NRG1: variants seen among roughly 807,000 people sequenced by gnomAD.
NRG1 encodes the protein neuregulin 1.
In NRG1, 18 loss-of-function variants were observed where a neutral mutation model predicts 63.8. The ratio of observed to expected loss-of-function variants is 0.28; its 90% CI spans 0.19 to 0.42. The LOEUF is 0.42. NRG1 is among the 10% of genes least tolerant of loss of function. NRG1 has a pLI of 1.00. For missense variants in NRG1, 762 were observed against 814.7 expected, an observed-to-expected ratio of 0.94 and a Z score of 0.79; for synonymous variants, 302 against 301.3, an observed-to-expected ratio of 1.00 and a Z score of -0.02.
intron 5 of NRG1, among the ~76,000 whole-genome samples, chr8:32,670,000 A>T (rs1805214145): frequency 6.6e-6 from 1 of 152,234 alleles, no homozygotes; most frequent in Admixed American, 6.5e-5. Flanking sequence ...TCAATTTCGT[A>T]TCTTGCCATT....
intron 5 of NRG1, among the ~76,000 whole-genome samples, chr8:32,685,733 G>A (rs924615966): frequency 1.3e-5 from 2 of 152,176 alleles, no homozygotes; most frequent in Non-Finnish European, 2.9e-5. Context: ...AGAGGAAAAT[G>A]TGGTCAATAC....
chr8:32,066,549 C>G (rs1284117248), intron 1 of NRG1, among the ~76,000 whole-genome samples: 9 of 152,024 alleles, frequency 5.9e-5, no homozygotes, highest in Middle Eastern at 6.8e-3. Flanking sequence ...TGGTCTATAT[C>G]TCTGTTTTGG....
intron 1 of NRG1, among the ~76,000 whole-genome samples, chr8:31,744,302 G>A (rs1304895434): frequency 2.6e-5 from 4 of 152,016 alleles, no homozygotes; most frequent in Admixed American, 1.3e-4. Context: ...ATGATTGAAC[G>A]TCTTTGCTTC....
intron 1 of NRG1, among the ~76,000 whole-genome samples, chr8:32,421,564 A>G (rs1415654988): frequency 6.6e-6 from 1 of 152,208 alleles, no homozygotes; most frequent in African/African-American, 2.4e-5. Flanking sequence ...ACGATTTTAT[A>G]CAAGTGAAGC....
chr8:31,776,252 T>C (rs986916617), intron 1 of NRG1, among the ~76,000 whole-genome samples: 2 of 151,996 alleles, frequency 1.3e-5, no homozygotes, highest in African/African-American at 4.8e-5. Context: ...AAATGAAAAA[T>C]AGTTAAATTG....
upstream of NRG1, among the ~76,000 whole-genome samples, chr8:32,547,642 C>A (rs77787458): frequency 4.0e-4 from 61 of 151,536 alleles, 1 homozygote; most frequent in East Asian, 0.012. Context: ...CGGCGCAGAC[C>A]CAGCAGGAGA....
At chr8:31,898,401 C>T (rs1255922328) in intron 1 of NRG1, among the ~76,000 whole-genome samples, 2 of 152,130 alleles carry the variant, frequency 1.3e-5, no homozygotes, top group African/African-American at 2.4e-5. Context: ...AACTATAGTA[C>T]ATCTGTTTTA....
intron 1 of NRG1, among the ~76,000 whole-genome samples, chr8:31,898,837 G>T (rs1236015444): frequency 6.6e-6 from 1 of 152,120 alleles, no homozygotes. Flanking sequence ...TACTAGCAGT[G>T]GTTCCTGCTC....
intron 1 of NRG1, among the ~76,000 whole-genome samples, chr8:32,243,448 A>G (rs958922217): frequency 6.6e-6 from 1 of 151,042 alleles, no homozygotes; most frequent in African/African-American, 2.5e-5. Flanking sequence ...AAAAAAAAAA[A>G]AGGGCATTAG....
In NRG1 at chr8:32,302,746, C is replaced by G. The variant is rs139165461; in HGVS notation, c.38-293082C>G. ...GTTTTATTTTTATTGTGTGATGTAA[C>G]CATATGCCAATTTTTTTCTTTGACT... On this transcript the variant is annotated intron_variant, in intron 1 of 10. Coordinates refer to the NRG1 transcript ENST00000519301. 7.7e-4 allele frequency among the ~76,000 whole-genome samples: 107 copies of G among 139,326 alleles called. 1 individual carries two copies. The East Asian group carries it at 0.02, about 26-fold the overall frequency. The allele number at this position is 139,326 out of a possible 152,430, so 91.4% of individuals were successfully genotyped here.
At chr8:32,141,585 T>C (rs1458918059) in intron 1 of NRG1, among the ~76,000 whole-genome samples, 1 of 105,952 alleles carries the variant, frequency 9.4e-6, no homozygotes, top group African/African-American at 3.6e-5. Context: ...ATATCCTATG[T>C]GTGTGGGTAT....
At chr8:32,760,743 G>A in intron 11 of NRG1, 1 of 1,065,452 alleles carries the variant, frequency 9.4e-7, no homozygotes, top group Non-Finnish European at 1.1e-6. Context: ...TTAGAGAGAT[G>A]GCATCAATGC....
chr8:32,380,648 T>G (rs952552766), intron 1 of NRG1, among the ~76,000 whole-genome samples: 1 of 152,178 alleles, frequency 6.6e-6, no homozygotes, highest in African/African-American at 2.4e-5. Context: ...CTTAAGAACC[T>G]TAAGACAGAA....
intron 1 of NRG1, among the ~76,000 whole-genome samples, chr8:32,446,660 C>CAAA (rs34552394): frequency 7.0e-4 from 105 of 149,800 alleles, no homozygotes; most frequent in African/African-American, 5.6e-4. Flanking sequence ...GTCTCAAAAA[C>CAAA]AAAAAAAAAA....
At chr8:31,931,819 G>C (rs1223755687) in intron 1 of NRG1, among the ~76,000 whole-genome samples, 2 of 152,158 alleles carry the variant, frequency 1.3e-5, no homozygotes, top group African/African-American at 4.8e-5. Context: ...TCTGCCATTT[G>C]CTCAGTTGAT....
chr8:32,045,381 A>G (rs374922930), intron 1 of NRG1, among the ~76,000 whole-genome samples: 11 of 152,018 alleles, frequency 7.2e-5, no homozygotes, highest in African/African-American at 2.6e-4. Flanking sequence ...AAAACACTAA[A>G]CTTGTTAAGC....
At chr8:32,190,388 G>A (rs996332479) in intron 1 of NRG1, among the ~76,000 whole-genome samples, 4 of 151,980 alleles carry the variant, frequency 2.6e-5, no homozygotes, top group Admixed American at 2.0e-4. Flanking sequence ...ACTCTGTTCT[G>A]TACTCAAATC....
intron 1 of NRG1, among the ~76,000 whole-genome samples, chr8:32,225,878 G>T (rs952735620): frequency 3.3e-5 from 5 of 152,112 alleles, no homozygotes; most frequent in African/African-American, 1.2e-4. Flanking sequence ...TGCATAATTA[G>T]TCAGTTTCCT....
At chr8:31,797,111 CAT>C (rs898467461) in intron 1 of NRG1, among the ~76,000 whole-genome samples, 1 of 152,172 alleles carries the variant, frequency 6.6e-6, no homozygotes, top group Non-Finnish European at 1.5e-5. Flanking sequence ...TCCTTATTGA[CAT>C]GTGGGCTTTG....
Sources: allele counts gnomAD v4.1 joint callset (sites outside exome capture counted in the v4.1 genomes callset), GRCh38; gene constraint gnomAD v4.1.1; transcripts MANE v1.5; gene names NCBI Gene and HGNC (gene_info 2026-07-23, HGNC 2026-07-21).